WDFY4: variants seen among roughly 807,000 people sequenced by gnomAD.
WDFY4 encodes the protein WDFY family member 4.
WDFY4 carries 169 observed loss-of-function variants against 351.9 expected under a neutral mutation model. The observed-to-expected ratio is 0.48, with a 90% CI of 0.42 to 0.55. The LOEUF is 0.55. Ranked by LOEUF, WDFY4 falls within the 20% of genes least tolerant of loss-of-function variation. WDFY4 has a pLI of 0.00. For synonymous variants in WDFY4, 1,622 were observed against 1,574.6 expected, an observed-to-expected ratio of 1.03 and a Z score of -0.71; for missense variants, 3,803 against 3,935.6, an observed-to-expected ratio of 0.97 and a Z score of 0.90.
chr10:48,823,394 T>C (rs2133010707), intron 35 of WDFY4: 1 of 1,217,642 alleles, frequency 8.2e-7, no homozygotes, highest in South Asian at 1.5e-5. Context: ...TGCAGCAGAA[T>C]TAGGAGGACC....
rs1325995109 is a variant in WDFY4 at position 48,778,671 on chromosome 10, G to A, written c.3236G>A (p.Ser1079Asn). 1 of 1,551,592 alleles carries A rather than the reference G, an allele frequency of 6.4e-7. No homozygotes were observed. Among genetic ancestry groups the A allele is most frequent in the South Asian group, 1.2e-5 (1 of 84,062 alleles). ...GLTFSCWFLI[S>N]RHGAATEGHP... ...ACCTTCTCCTGCTGGTTCCTGATCAGCCGGCATGGAGCTGCCACTGAGGGC... is the reference window on the plus strand; with the variant it reads ...ACCTTCTCCTGCTGGTTCCTGATCAACCGGCATGGAGCTGCCACTGAGGGC... Residue 1079 changes from serine to asparagine, a missense_variant, in exon 18 of 62, where the codon AGC becomes AAC. Ser to Asn is a conservative substitution (Grantham distance 46). Around this residue, in one of 3 missense-constraint regions of WDFY4, gnomAD observed 3,054 missense variants for 3,148.6 expected, o/e 0.97. Coordinates refer to ENST00000325239, the MANE Select transcript of WDFY4 (RefSeq NM_001394531.1).
intron 32 of WDFY4, among the ~76,000 whole-genome samples, chr10:48,819,361 T>C (rs1253704496): frequency 6.6e-6 from 1 of 152,238 alleles, no homozygotes; most frequent in Non-Finnish European, 1.5e-5. Flanking sequence ...TGAATTTATA[T>C]GGCATCTTTC....
chr10:48,847,409 G>C (rs1356110101), intron 39 of WDFY4, among the ~76,000 whole-genome samples: 1 of 152,202 alleles, frequency 6.6e-6, no homozygotes, highest in African/African-American at 2.4e-5. Context: ...GTCCATATCA[G>C]TGCCTCACGT....
At chr10:48,823,688 T>G in intron 35 of WDFY4, 1 of 999,070 alleles carries the variant, frequency 1.0e-6, no homozygotes, top group Non-Finnish European at 1.2e-6. Context: ...CTGAGCTCCC[T>G]ATGGCTAAAG....
intron 39 of WDFY4, among the ~76,000 whole-genome samples, chr10:48,847,307 A>G (rs2068808634): frequency 6.6e-6 from 1 of 152,002 alleles, no homozygotes; most frequent in Non-Finnish European, 1.5e-5. Context: ...TAACTTTATC[A>G]CCTCTTTAAA....
intron 34 of WDFY4, among the ~76,000 whole-genome samples, chr10:48,821,659 C>T (rs1048321526): frequency 3.9e-5 from 6 of 152,216 alleles, no homozygotes; most frequent in African/African-American, 9.7e-5. Flanking sequence ...TGTACCTTTT[C>T]AACAAGCCTA....
rs189657389 is a variant in WDFY4 at position 48,935,424 on chromosome 10, C to T, written c.7587-6382C>T. ...CTTTTCCTGCTGTTCACCCAGCAGT[C>T]AGTGGGAGAGGATCGAATCAGAGCC... is the stretch of plus-strand genomic sequence containing the variant. On this transcript the variant is annotated intron_variant, in intron 47 of 61. Coordinates refer to ENST00000325239, the MANE Select transcript of WDFY4 (RefSeq NM_001394531.1). Among the ~76,000 whole-genome samples, 50 of 152,354 alleles carry T rather than the reference C, an allele frequency of 3.3e-4. 1 individual carries two copies. The East Asian group carries it at 6.0e-3, about 18-fold the overall frequency.
intron 10 of WDFY4, among the ~76,000 whole-genome samples, chr10:48,735,123 A>C (rs1196284082): frequency 1.3e-5 from 2 of 151,914 alleles, no homozygotes; most frequent in Admixed American, 6.6e-5. Flanking sequence ...TTTCAAGGTG[A>C]TTTCCATGTC....
At chr10:48,787,191 A>C (rs1160531322) in intron 20 of WDFY4, among the ~76,000 whole-genome samples, 1 of 152,244 alleles carries the variant, frequency 6.6e-6, no homozygotes, top group Non-Finnish European at 1.5e-5. Flanking sequence ...ACTAAAGTAT[A>C]CTGTTGACTT....
intron 23 of WDFY4, among the ~76,000 whole-genome samples, chr10:48,792,197 C>T (rs950596259): frequency 5.9e-5 from 9 of 152,132 alleles, no homozygotes; most frequent in African/African-American, 1.9e-4. Context: ...CTCAGAGCAC[C>T]TCTTTTTTTC....
chr10:48,867,407 A>G, intron 40 of WDFY4, 65 bp downstream of exon 40: 1 of 1,137,246 alleles, frequency 8.8e-7, no homozygotes. Flanking sequence ...CCTGAAAAAT[A>G]ATTGGAAGGG....
chr10:48,738,293 T>C (rs1589491989), intron 11 of WDFY4, among the ~76,000 whole-genome samples: 1 of 152,218 alleles, frequency 6.6e-6, no homozygotes, highest in Admixed American at 6.5e-5. Flanking sequence ...AGGCATCGTA[T>C]TGGAGTGTCA....
At chr10:48,794,976 G>A (rs985208213) in intron 23 of WDFY4, among the ~76,000 whole-genome samples, 2 of 152,134 alleles carry the variant, frequency 1.3e-5, no homozygotes, top group Non-Finnish European at 2.9e-5. Flanking sequence ...ACAGGGATTA[G>A]GGATGGAGGG....
chr10:48,790,756 G>A lies in WDFY4; in HGVS notation c.4096G>A (p.Ala1366Thr). The A allele has an allele frequency of 6.4e-7, 1 of 1,551,860 alleles. No homozygotes were observed. Among genetic ancestry groups the A allele is most frequent in the Admixed American group, 2.0e-5 (1 of 51,010 alleles). Residue 1366 changes from alanine (A) to threonine (T), a missense_variant, in exon 23 of 62, where the codon GCC (alanine) becomes ACC (threonine). Ala to Thr is a moderately conservative substitution (Grantham distance 58). Coordinates refer to ENST00000325239, the MANE Select transcript of WDFY4 (RefSeq NM_001394531.1). The stretch of plus-strand genomic sequence containing the variant: ...GAGGGTATTCCACTCCAGCCCTGCT[G>A]CCAGCAGCCTGGACTTCATTGGCGG... Reference protein sequence around the residue: ...GVRVFHSSPAASSLDFIGGPA... With the variant: ...GVRVFHSSPATSSLDFIGGPA...
At chr10:48,794,997 T>C (rs1686752069) in intron 23 of WDFY4, among the ~76,000 whole-genome samples, 2 of 152,116 alleles carry the variant, frequency 1.3e-5, no homozygotes, top group African/African-American at 4.8e-5. Flanking sequence ...AGGGTTATTT[T>C]TACAATGAGA....
chr10:48,772,744 T>G (rs1370402161), intron 13 of WDFY4, among the ~76,000 whole-genome samples: 1 of 148,352 alleles, frequency 6.7e-6, no homozygotes, highest in Non-Finnish European at 1.5e-5. Flanking sequence ...CCCCTTCCTG[T>G]GTCCATGTGA....
intron 43 of WDFY4, among the ~76,000 whole-genome samples, chr10:48,886,928 G>T (rs74330667): frequency 8.5e-5 from 13 of 152,244 alleles, no homozygotes; most frequent in Non-Finnish European, 2.9e-5. Flanking sequence ...TGGCATAAGG[G>T]ATTTCTTAAT....
At position 48,969,103 on chromosome 10, in the gene WDFY4, G is replaced by A. The variant is rs769484125; in HGVS notation, c.8624G>A (p.Gly2875Glu). ...TCTCTAGGCTCAGAGTCCCCCAAAG[G>A]GGCCATTGGCCACATTGTCTCTACT... The part of the protein sequence containing the change: ...LFSLGSESPK[G>E]AIGHIVSTEK... Residue 2875 changes from glycine (G) to glutamate (E), a missense_variant, in exon 56 of 62, where the codon GGG (glycine) becomes GAG (glutamate). By Grantham distance (98) the Gly-to-Glu change is moderately conservative (BLOSUM62 -2). Around this residue, in one of 3 missense-constraint regions of WDFY4, gnomAD observed 3,054 missense variants for 3,148.6 expected, o/e 0.97. Coordinates refer to ENST00000325239, the MANE Select transcript of WDFY4 (RefSeq NM_001394531.1). 1 of 1,551,618 alleles carries A rather than the reference G, an allele frequency of 6.4e-7. No individual in the cohort carries two copies. The highest frequency in any genetic ancestry group is 1.4e-5 in the African/African-American group (1 of 73,036).
rs769510545 is a variant in WDFY4 at position 48,790,743 on chromosome 10, C to T, written c.4083C>T (p.His1361=). 10 of 1,551,808 alleles carry T rather than the reference C, an allele frequency of 6.4e-6. No individual in the cohort carries two copies. Among genetic ancestry groups the T allele is most frequent in the Non-Finnish European group, 7.8e-6 (9 of 1,147,004 alleles). ...GCCACACAGGGGTGAGGGTATTCCA[C>T]TCCAGCCCTGCTGCCAGCAGCCTGG... ...AVGQLGVRVF[H]SSPAASSLDF... is the part of the protein sequence containing the mutation. Residue 1361 remains histidine (H), a synonymous_variant, in exon 23 of 62, where the codon CAC becomes CAT. Coordinates refer to ENST00000325239, the MANE Select transcript of WDFY4 (RefSeq NM_001394531.1).
Sources: gnomAD v4.1 joint callset for allele counts (sites outside exome capture counted in the v4.1 genomes callset) on GRCh38, gnomAD v4.1.1 for gene constraint, gnomAD v4.1.1 regional missense constraint, MANE v1.5 for transcripts, NCBI Gene and HGNC (gene_info 2026-07-23, HGNC 2026-07-21) for gene names.